The following PER2 variants were observed in gnomAD, a reference collection of about 807,000 sequenced individuals.
PER2 encodes the protein period circadian regulator 2.
A neutral mutation model predicts 121.0 loss-of-function variants in PER2; 66 were observed. The observed-to-expected ratio is 0.55, with a 90% CI of 0.45 to 0.67. PER2 has a LOEUF of 0.67. Among genes scored for constraint, PER2 ranks in the 30% least tolerant of loss-of-function variants. The probability of loss-of-function intolerance (pLI) is 0.00; values close to 1 mark genes in which losing one functional copy is unlikely to be tolerated. For missense variants in PER2, 1,521 were observed against 1,635.0 expected (o/e 0.93, Z 1.20); for synonymous variants, 684 against 659.9 (o/e 1.04, Z -0.56).
In PER2 at chr2:238,253,553, C is replaced by G. The variant is rs1420060109; in HGVS notation, c.2470G>C (p.Val824Leu). The change falls in exon 19 of 23, where the codon GTG becomes CTG. Residue 824 changes from valine to leucine, a missense_variant. Physicochemically the swap from Val to Leu is conservative, Grantham distance 32. Transcript: ENST00000254657. This position sits in a 1 kb window ranked among gnomAD's most constrained non-coding sequence, Gnocchi z 5.6. Reference sequence around the variant, plus strand: ...GACCAGGCTGTGGCGTTCAAGCCCACCAGCGGGGGCCGGGCGGACACGGGC... The same window carrying G: ...GACCAGGCTGTGGCGTTCAAGCCCAGCAGCGGGGGCCGGGCGGACACGGGC... ...GGPVSARPPL[V>L]GLNATAWSPS... 2 of 1,610,730 alleles carry G rather than the reference C, an allele frequency of 1.2e-6. No individual in the cohort carries two copies. The highest frequency in any genetic ancestry group is 1.7e-6 in the Non-Finnish European group (2 of 1,178,814).
chr2:238,283,228 T>C (rs1034980825), intron 1 of PER2, among the ~76,000 whole-genome samples: 1 of 152,244 alleles, frequency 6.6e-6, no homozygotes, highest in African/African-American at 2.4e-5. Flanking sequence ...CCTTCCTTCC[T>C]GTTTTGGCAC....
intron 6 of PER2, among the ~76,000 whole-genome samples, chr2:238,270,649 A>T (rs949217533): frequency 6.6e-6 from 1 of 152,232 alleles, no homozygotes; most frequent in Non-Finnish European, 1.5e-5. Context: ...AGAGGCCCAG[A>T]GGCAGGCACA....
chr2:238,255,970 C>T, intron 17 of PER2, 59 bp from the exon 18 acceptor site: 2 of 1,591,154 alleles, frequency 1.3e-6, no homozygotes, highest in South Asian at 2.2e-5. Flanking sequence ...ATTTTAAGGC[C>T]ACACTATATT....
chr2:238,244,919 C>T lies in PER2; in HGVS notation c.*1456G>A, dbSNP rs1183472093. 1 of 151,750 alleles carries T rather than the reference C, an allele frequency of 6.6e-6. No individual in the cohort carries two copies. The highest frequency in any genetic ancestry group is 1.5e-5 in the Non-Finnish European group (1 of 68,004). The allele number at this position is 151,750 out of a possible 1,614,324, so 9.4% of individuals were successfully genotyped here. The stretch of plus-strand genomic sequence containing the variant: ...AAAATTAGCTGGGTGTGGTGGCAGT[C>T]GCCTGTGGTCCCAGCTACTCAGGAG... On this transcript the variant is annotated 3_prime_UTR_variant, in exon 23 of 23. Coordinates refer to ENST00000254657, the MANE Select transcript of PER2 (RefSeq NM_022817.3).
chr2:238,291,344 A>G (rs1574867551), upstream of PER2, among the ~76,000 whole-genome samples: 1 of 152,226 alleles, frequency 6.6e-6, no homozygotes, highest in African/African-American at 2.4e-5. Context: ...GCCTCTCTGC[A>G]CCCAGGCCTC....
At position 238,271,325 on chromosome 2, in the gene PER2, C is replaced by A. The variant is rs1228585742; in HGVS notation, c.759G>T (p.Met253Ile). ...TSPYKLPLWS[M>I]CSGADSFTQE... ...CGATAACCTCACCTGCTCCACTGCA[C>A]ATGCTCCACAAGGGAAGCTTGTACG... The change falls in exon 6 of 23, where the codon ATG becomes ATT. Residue 253 changes from methionine (M) to isoleucine (I), a missense_variant. Transcript: ENST00000254657. 5 of 1,613,912 alleles carry A rather than the reference C, an allele frequency of 3.1e-6. No homozygotes were observed. Among genetic ancestry groups the A allele is most frequent in the Non-Finnish European group, 4.2e-6 (5 of 1,179,882 alleles).
intron 1 of PER2, among the ~76,000 whole-genome samples, chr2:238,287,596 C>G (rs1696826061): frequency 6.6e-6 from 1 of 152,246 alleles, no homozygotes; most frequent in Non-Finnish European, 1.5e-5. Context: ...GAGGCCATCA[C>G]TGAACCTCTG....
At chr2:238,273,378 TA>T (rs1349592669) in intron 4 of PER2, among the ~76,000 whole-genome samples, 187 bp from the exon 5 acceptor site, 2 of 152,236 alleles carry the variant, frequency 1.3e-5, no homozygotes, top group Non-Finnish European at 2.9e-5. Context: ...GAAATCGGGA[TA>T]TTTTTCCCTG....
In PER2 at chr2:238,275,839, G is replaced by A; in HGVS notation, c.352C>T (p.Leu118=). 1 of 1,614,114 alleles carries A rather than the reference G, an allele frequency of 6.2e-7. No homozygotes were observed. The highest frequency in any genetic ancestry group is 8.5e-7 in the Non-Finnish European group (1 of 1,179,926). The change falls in exon 4 of 23, where the codon CTG becomes TTG. Residue 118 remains leucine (L), a synonymous_variant. Transcript: ENST00000254657. ...TTGTCTGCAGGGAGGTGGACCTTCA[G>A]CTCCTTTAGTGTTTTTATCAGTTCT... The part of the protein sequence containing the change: ...HKELIKTLKE[L]KVHLPADKKA...
In PER2 at chr2:238,255,903, C is replaced by T; in HGVS notation, c.2074G>A (p.Glu692Lys). Residue 692 changes from glutamate (E) to lysine (K), a missense_variant, in exon 18 of 23, where the codon GAA becomes AAA. Coordinates refer to ENST00000254657, the MANE Select transcript of PER2 (RefSeq NM_022817.3). ...KKPQPELEMV[E>K]DAASGPESLD... The stretch of plus-strand genomic sequence containing the variant: ...GATTCTGGCCCACTCGCAGCATCTT[C>T]CACCATCTCTGTAACACAAGAACCC... 2 of 1,614,246 alleles carry T rather than the reference C, an allele frequency of 1.2e-6. No individual in the cohort carries two copies. The highest frequency in any genetic ancestry group is 1.7e-6 in the Non-Finnish European group (2 of 1,180,048).
In PER2 at chr2:238,252,031, G is replaced by T. The variant is rs142789211; in HGVS notation, c.3112-270C>A. Among the ~76,000 whole-genome samples, 3 of 152,304 alleles carry T rather than the reference G, an allele frequency of 2.0e-5. No homozygotes were observed. The highest frequency in any genetic ancestry group is 1.9e-4 in the East Asian group (1 of 5,180). On this transcript the variant is annotated intron_variant, in intron 19 of 22. Coordinates refer to ENST00000254657, the MANE Select transcript of PER2 (RefSeq NM_022817.3). The surrounding 1 kb of genome is among the most constrained non-coding windows in gnomAD (Gnocchi z 4.2). Reference sequence around the variant, plus strand: ...GAAGACGGCAATACCTGGGCTCCAGGGGGGAAAGCCTCAGGCTGCTCCTTG... The same window carrying T: ...GAAGACGGCAATACCTGGGCTCCAGTGGGGAAAGCCTCAGGCTGCTCCTTG...
chr2:238,246,255 CAAAA>C lies in PER2; in HGVS notation c.*116_*119del, dbSNP rs566966877. The C allele has an allele frequency of 5.1e-4, 334 of 654,322 alleles. 1 individual carries two copies. Among genetic ancestry groups the C allele is most frequent in the Admixed American group, 7.0e-4 (19 of 27,146 alleles). The allele number at this position is 654,322 out of a possible 1,614,324, so 40.5% of individuals were successfully genotyped here. ...AACTATGTTGTTTTTTTTTCTAAAA[CAAAA>C]AAAGCAACATGAGCATATGTGTCCA... On this transcript the variant is annotated 3_prime_UTR_variant, in exon 23 of 23. Coordinates refer to ENST00000254657, the MANE Select transcript of PER2 (RefSeq NM_022817.3).
rs1012214937 is a variant in PER2, at chr2:238,261,962, G to T, written c.1308-125C>A. ...CTGCCTCTCCCCTGCAGCCCCCCAG[G>T]CTGCTGCCTGTCCACTCCCTACTCT... On this transcript the variant is annotated intron_variant, in intron 11 of 22. Coordinates refer to ENST00000254657, the MANE Select transcript of PER2 (RefSeq NM_022817.3). 4 of 752,954 alleles carry T rather than the reference G, an allele frequency of 5.3e-6. No individual in the cohort carries two copies. The East Asian group carries it at 1.1e-4, about 20-fold the overall frequency. The allele number at this position is 752,954 out of a possible 1,614,324, so 46.6% of individuals were successfully genotyped here. A position where few individuals can be genotyped will look rare whatever the true frequency, so the allele number is the denominator to read the frequency against.
chr2:238,299,640 A>G, the PER2 span: 1 of 152,270 alleles, frequency 6.6e-6, no homozygotes, highest in African/African-American at 2.4e-5. Context: ...CTGCTGCATC[A>G]GTCAGGAGCC....
At chr2:238,246,693 G>A (rs932996534) in intron 22 of PER2, among the ~76,000 whole-genome samples, 169 bp from the exon 23 acceptor site, 9 of 152,146 alleles carry the variant, frequency 5.9e-5, no homozygotes, top group Admixed American at 2.6e-4. Flanking sequence ...TGGCTAACAC[G>A]GTGAAATCCC....
rs749956240 is a variant in PER2 at position 238,246,349 on chromosome 2, G to C, written c.*26C>G. On this transcript the variant is annotated 3_prime_UTR_variant, in exon 23 of 23. Coordinates refer to ENST00000254657, the MANE Select transcript of PER2 (RefSeq NM_022817.3). ...AAGCACCACCTGGTGTACCTCGCTG[G>C]CTGCCGGGCTGAGGTGGGGCAGGGG... 80 of 1,564,850 alleles carry C rather than the reference G, an allele frequency of 5.1e-5. No homozygotes were observed. Among genetic ancestry groups the C allele is most frequent in the Non-Finnish European group, 6.3e-5 (72 of 1,150,770 alleles).
the PER2 span, among the ~76,000 whole-genome samples, chr2:238,297,116 G>A: frequency 6.6e-6 from 1 of 152,168 alleles, no homozygotes; most frequent in African/African-American, 2.4e-5. Context: ...GAACAGGGAG[G>A]ACCTGAGGCT....
upstream of PER2, among the ~76,000 whole-genome samples, chr2:238,290,491 C>T (rs958526661): frequency 1.3e-5 from 2 of 152,150 alleles, no homozygotes; most frequent in Admixed American, 1.3e-4. Flanking sequence ...GGGTCTTGCT[C>T]CATATTCAGC....
At chr2:238,293,998 A>T (rs560459078), upstream of PER2, among the ~76,000 whole-genome samples, 95 of 152,296 alleles carry the variant, frequency 6.2e-4, no homozygotes, top group African/African-American at 2.0e-3. Context: ...GAAGGAGCCC[A>T]AGGAGAGGTA....
Sources: allele counts gnomAD v4.1 joint callset (sites outside exome capture counted in the v4.1 genomes callset), GRCh38; gene constraint gnomAD v4.1.1; non-coding constraint Gnocchi (gnomAD v3.1); transcripts MANE v1.5; gene names NCBI Gene and HGNC (gene_info 2026-07-23, HGNC 2026-07-21).